RSPO2: variants seen among roughly 807,000 people sequenced by gnomAD.
RSPO2 encodes R-spondin 2.
A neutral mutation model predicts 30.9 loss-of-function variants in RSPO2; 14 were observed. The ratio of observed to expected loss-of-function variants is 0.45; its 90% CI spans 0.30 to 0.71. The LOEUF is 0.71. Ranked by LOEUF, RSPO2 falls within the 30% of genes least tolerant of loss-of-function variation. The pLI, the probability that RSPO2 is intolerant of heterozygous loss-of-function variation, is 0.08. For missense variants in RSPO2, 264 were observed against 301.9 expected, an observed-to-expected ratio of 0.87 and a Z score of 0.93; for synonymous variants, 107 against 96.4, an observed-to-expected ratio of 1.11 and a Z score of -0.64.
At chr8:108,028,761 T>C (rs1811306246) in intron 2 of RSPO2, among the ~76,000 whole-genome samples, 1 of 152,178 alleles carries the variant, frequency 6.6e-6, no homozygotes, top group Non-Finnish European at 1.5e-5. Flanking sequence ...AAGAAAAGTG[T>C]TCATTTGTCA....
At chr8:108,072,391 T>C (rs1223125404) in intron 2 of RSPO2, among the ~76,000 whole-genome samples, 2 of 141,268 alleles carry the variant, frequency 1.4e-5, no homozygotes, top group Non-Finnish European at 3.0e-5. Flanking sequence ...AGTGGTGCGA[T>C]CTCGGCCCAC....
chr8:107,917,082 G>A (rs1468457928), intron 5 of RSPO2, among the ~76,000 whole-genome samples: 1 of 152,174 alleles, frequency 6.6e-6, no homozygotes, highest in Admixed American at 6.5e-5. Flanking sequence ...ATAACAAGGG[G>A]AAAGAAAGAG....
intron 2 of RSPO2, among the ~76,000 whole-genome samples, chr8:107,994,586 G>T (rs1300760333): frequency 1.3e-5 from 2 of 151,944 alleles, no homozygotes; most frequent in Non-Finnish European, 2.9e-5. Flanking sequence ...ATGTAGAAAT[G>T]ATACAATCTG....
At position 108,082,709 on chromosome 8, in the gene RSPO2, G is replaced by T; in HGVS notation, c.-71C>A. 5 of 1,334,858 alleles carry T rather than the reference G, an allele frequency of 3.7e-6. No individual in the cohort carries two copies. 82.7% of individuals were successfully genotyped at this position (1,334,858 alleles called of 1,614,324 possible). A position where few individuals can be genotyped will look rare whatever the true frequency, so the allele number is the denominator to read the frequency against. On this transcript the variant is annotated 5_prime_UTR_variant, in exon 2 of 6. Transcript: ENST00000276659. ...TGGAGGGTTCGCCCAAAGAGCCGGC[G>T]CCGGCCGCGCTGCTGGGGAGGACTC...
chr8:108,038,065 A>G (rs1159546618), intron 2 of RSPO2, among the ~76,000 whole-genome samples: 1 of 152,230 alleles, frequency 6.6e-6, no homozygotes, highest in African/African-American at 2.4e-5. Flanking sequence ...TGATTCCTCT[A>G]ATGAATCTGG....
At chr8:108,036,183 A>T (rs1005377402) in intron 2 of RSPO2, among the ~76,000 whole-genome samples, 3 of 152,168 alleles carry the variant, frequency 2.0e-5, no homozygotes, top group African/African-American at 7.2e-5. Context: ...AAAACACCCC[A>T]CTTCAGGCTG....
chr8:107,940,307 G>T (rs1812858063), intron 5 of RSPO2, among the ~76,000 whole-genome samples: 1 of 66,536 alleles, frequency 1.5e-5, no homozygotes, highest in Non-Finnish European at 3.3e-5. Context: ...AGTTAAGTAT[G>T]TGTGTTTTAT....
At chr8:108,022,655 G>A (rs760439098) in intron 2 of RSPO2, among the ~76,000 whole-genome samples, 24 of 152,246 alleles carry the variant, frequency 1.6e-4, no homozygotes, top group South Asian at 6.2e-4. Flanking sequence ...GCTGGGCATG[G>A]TGGCTCATGC....
chr8:107,909,727 T>A (rs1035657604), intron 5 of RSPO2, among the ~76,000 whole-genome samples: 1 of 152,216 alleles, frequency 6.6e-6, no homozygotes, highest in South Asian at 2.1e-4. Flanking sequence ...TCTGCATAAA[T>A]AACAACTTCT....
chr8:107,947,650 A>G (rs1383128627), intron 5 of RSPO2, among the ~76,000 whole-genome samples: 1 of 152,184 alleles, frequency 6.6e-6, no homozygotes. Flanking sequence ...TCTGCCCTAA[A>G]TCAGGGATGT....
intron 2 of RSPO2, among the ~76,000 whole-genome samples, chr8:108,063,080 G>T (rs1812529696): frequency 6.6e-6 from 1 of 151,790 alleles, no homozygotes; most frequent in Non-Finnish European, 1.5e-5. Flanking sequence ...ATATCATACT[G>T]AATGGGCAAA....
chr8:108,062,292 A>G (rs1812495025), intron 2 of RSPO2, among the ~76,000 whole-genome samples: 1 of 151,890 alleles, frequency 6.6e-6, no homozygotes, highest in Non-Finnish European at 1.5e-5. Context: ...CCTGCTAGCA[A>G]GACTAACAAA....
intron 2 of RSPO2, among the ~76,000 whole-genome samples, chr8:108,069,234 C>T (rs1190372492): frequency 6.6e-6 from 1 of 151,882 alleles, no homozygotes; most frequent in Non-Finnish European, 1.5e-5. Context: ...CACACACACT[C>T]ACAGAGTCTC....
intron 2 of RSPO2, among the ~76,000 whole-genome samples, chr8:107,990,813 G>A (rs997411545): frequency 7.2e-5 from 11 of 152,174 alleles, no homozygotes; most frequent in Non-Finnish European, 7.3e-5. Flanking sequence ...ATACTACAGA[G>A]CTACAGTAGC....
intron 2 of RSPO2, among the ~76,000 whole-genome samples, chr8:108,058,734 A>G (rs1586666310): frequency 1.3e-5 from 2 of 151,904 alleles, no homozygotes; most frequent in Admixed American, 1.3e-4. Flanking sequence ...CCTGAGAAAA[A>G]CAAGCAATGG....
intron 3 of RSPO2, among the ~76,000 whole-genome samples, chr8:107,982,388 T>C (rs983136589): frequency 6.6e-6 from 1 of 152,198 alleles, no homozygotes; most frequent in Non-Finnish European, 1.5e-5. Flanking sequence ...ACTTCATAAA[T>C]TGCTGAATAA....
intron 5 of RSPO2, among the ~76,000 whole-genome samples, chr8:107,903,098 C>A (rs1811530595): frequency 1.3e-5 from 2 of 151,994 alleles, no homozygotes; most frequent in African/African-American, 4.8e-5. Flanking sequence ...ATTTTAAAAG[C>A]TTCAATTATA....
intron 2 of RSPO2, among the ~76,000 whole-genome samples, chr8:108,066,879 A>G (rs531211727): frequency 6.6e-6 from 1 of 152,312 alleles, no homozygotes; most frequent in African/African-American, 2.4e-5. Context: ...CAGCATGACT[A>G]AGAATGGCAC....
intron 5 of RSPO2, among the ~76,000 whole-genome samples, chr8:107,922,639 G>A (rs2130313254): frequency 6.6e-6 from 1 of 151,982 alleles, no homozygotes; most frequent in Middle Eastern, 3.4e-3. Flanking sequence ...AGTAGACAAG[G>A]CAATCCTAAG....
Sources: allele counts gnomAD v4.1 joint callset (sites outside exome capture counted in the v4.1 genomes callset), GRCh38; gene constraint gnomAD v4.1.1; transcripts MANE v1.5; gene names NCBI Gene and HGNC (gene_info 2026-07-23, HGNC 2026-07-21).